Variants in ZNF706 observed in about 807,000 individuals in gnomAD.
The protein encoded by ZNF706 is zinc finger protein 706, also known as transcriptional regulator ZNF706.
In ZNF706, 4 loss-of-function variants were observed where a neutral mutation model predicts 9.2. The ratio of observed to expected loss-of-function variants is 0.43; its 90% confidence interval spans 0.21 to 0.99. The LOEUF (loss-of-function observed/expected upper bound fraction) is 0.99, where lower values mean the gene tolerates loss of function less well. Ranked by LOEUF, ZNF706 falls within the 50% of genes least tolerant of loss-of-function variation. ZNF706 has a pLI of 0.26. For missense variants in ZNF706, 27 were observed against 87.8 expected (o/e 0.31, Z 2.77); for synonymous variants, 28 against 27.3 (o/e 1.03, Z -0.08).
rs1810552198 is a variant in ZNF706 at position 101,201,450 on chromosome 8, G to A, written c.135+157C>T. 1 of 698,886 alleles carries A rather than the reference G, an allele frequency of 1.4e-6. No homozygotes were observed. Among genetic ancestry groups the A allele is most frequent in the African/African-American group, 1.8e-5 (1 of 55,084 alleles). 43.3% of individuals were successfully genotyped at this position (698,886 alleles called of 1,614,324 possible). ...CACAGGAGCCATTCAAAAAATATTT[G>A]TTTAAAGGGTGAATGAAAATAGATA... On this transcript the variant is annotated intron_variant, in intron 2 of 3. Coordinates refer to ENST00000311212, the MANE Select transcript of ZNF706 (RefSeq NM_016096.5). The surrounding 1 kb of genome is among the most constrained non-coding windows in gnomAD (Gnocchi z 4.5).
At chr8:101,202,617 T>G (rs1295989666) in intron 1 of ZNF706, 4 of 152,178 alleles carry the variant, frequency 2.6e-5, no homozygotes, top group African/African-American at 9.7e-5. Context: ...TTGGGGGTTA[T>G]GGGTAATGAC....
At position 101,201,882 on chromosome 8, in the gene ZNF706, C is replaced by G. The variant is rs1374991494; in HGVS notation, c.-2-139G>C. 1 of 897,670 alleles carries G rather than the reference C, an allele frequency of 1.1e-6. No individual in the cohort carries two copies. Among genetic ancestry groups the G allele is most frequent in the Non-Finnish European group, 1.6e-6 (1 of 609,474 alleles). The allele number at this position is 897,670 out of a possible 1,614,324, so 55.6% of individuals were successfully genotyped here. A position where few individuals can be genotyped will look rare whatever the true frequency, so the allele number is the denominator to read the frequency against. ...ATAAAAATTTATAGGTATTAAAATT[C>G]CCACATATAAATGCTACAAAAGTAT... On this transcript the variant is annotated intron_variant, in intron 1 of 3. Transcript: ENST00000311212. This position sits in a 1 kb window ranked among gnomAD's most constrained non-coding sequence, Gnocchi z 4.5.
chr8:101,201,789 A>G lies in ZNF706; in HGVS notation c.-2-46T>C. On this transcript the variant is annotated intron_variant, in intron 1 of 3. Transcript: ENST00000311212. The surrounding 1 kb of genome is among the most constrained non-coding windows in gnomAD (Gnocchi z 4.5). Reference sequence around the variant, plus strand: ...ATTAGAGTGGCTTATTTACTCTAATACAGAGTAATCAAAGCATAAGAACGT... The same window carrying G: ...ATTAGAGTGGCTTATTTACTCTAATGCAGAGTAATCAAAGCATAAGAACGT... The G allele has an allele frequency of 6.3e-7, 1 of 1,576,228 alleles. No homozygotes were observed. The highest frequency in any genetic ancestry group is 8.7e-7 in the Non-Finnish European group (1 of 1,150,836).
Position 101,200,933 on chromosome 8 carries a change from T to C in ZNF706, c.135+674A>G, listed in dbSNP as rs11993291. 3.0e-3 allele frequency: 678 copies of C among 225,860 alleles called. 3 individuals are homozygous for C. Among genetic ancestry groups the C allele is most frequent in the African/African-American group, 0.014 (616 of 43,318 alleles). 14.0% of individuals were successfully genotyped at this position (225,860 alleles called of 1,614,324 possible). On this transcript the variant is annotated intron_variant, in intron 2 of 3. Transcript: ENST00000311212. The stretch of plus-strand genomic sequence containing the variant: ...TGGAGCTGAACTGCCTGAGTTCAGA[T>C]TCCAGCTCTTCTACTAACCAGCTGG...
At chr8:101,200,473 A>C (rs1284896624) in intron 2 of ZNF706, among the ~76,000 whole-genome samples, 4 of 152,224 alleles carry the variant, frequency 2.6e-5, no homozygotes, top group African/African-American at 4.8e-5. Context: ...CCAGAGTTTA[A>C]TTTGCCCAAG....
At chr8:101,203,233 T>C (rs1167594334) in intron 1 of ZNF706, 1 of 152,224 alleles carries the variant, frequency 6.6e-6, no homozygotes, top group East Asian at 1.9e-4. Context: ...ATTAAAGGCT[T>C]TTATTCGACC....
chr8:101,199,345 A>C, intron 3 of ZNF706, 106 bp from the exon 4 acceptor site: 1 of 658,000 alleles, frequency 1.5e-6, no homozygotes, highest in Non-Finnish European at 2.8e-6. Flanking sequence ...AATATCTGGT[A>C]AACTTGTCAA....
intron 2 of ZNF706, chr8:101,200,907 CTG>C (rs1810534082): frequency 5.1e-6 from 1 of 195,226 alleles, no homozygotes; most frequent in Non-Finnish European, 1.1e-5. Flanking sequence ...AGGGTGGACT[CTG>C]GAGCTGAACT....
At chr8:101,204,952 A>T (rs1329479620) in intron 1 of ZNF706, 19 of 985,328 alleles carry the variant, frequency 1.9e-5, no homozygotes, top group Non-Finnish European at 2.2e-5. Context: ...ACCCACAGTG[A>T]GGTCTCCACC....
intron 3 of ZNF706, among the ~76,000 whole-genome samples, chr8:101,199,597 A>G (rs1238837192): frequency 1.3e-5 from 2 of 151,936 alleles, no homozygotes; most frequent in African/African-American, 2.4e-5. Flanking sequence ...GTTGGGGGAG[A>G]AAAAAAAGAA....
intron 2 of ZNF706, 188 bp from the exon 3 acceptor site, chr8:101,200,285 A>G (rs1209990256): frequency 1.4e-5 from 7 of 509,122 alleles, no homozygotes; most frequent in Non-Finnish European, 3.5e-6. Flanking sequence ...CCCACATTTC[A>G]CCTATAAAGA....
chr8:101,203,002 A>T (rs1810618645), intron 1 of ZNF706: 1 of 152,200 alleles, frequency 6.6e-6, no homozygotes, highest in East Asian at 1.9e-4. Flanking sequence ...TTGCTGAACA[A>T]ATTATAAAAT....
rs999094794 is a variant in ZNF706, at chr8:101,198,192, G to T, written c.*1060C>A. ...TTTTAATACTTTTCAAGTTCAGATGGAAGTCATACTGTACACCAGTCTCTG... is the reference window on the plus strand; with the variant it reads ...TTTTAATACTTTTCAAGTTCAGATGTAAGTCATACTGTACACCAGTCTCTG... On this transcript the variant is annotated 3_prime_UTR_variant, in exon 4 of 4. Coordinates refer to ENST00000311212, the MANE Select transcript of ZNF706 (RefSeq NM_016096.5). 1.3e-5 allele frequency: 2 copies of T among 152,066 alleles called. No homozygotes were observed. The highest frequency in any genetic ancestry group is 2.9e-5 in the Non-Finnish European group (2 of 67,988). 9.4% of individuals were successfully genotyped at this position (152,066 alleles called of 1,614,324 possible).
At position 101,198,267 on chromosome 8, in the gene ZNF706, GA is replaced by G. The variant is rs1244815240; in HGVS notation, c.*984del. ...ACTCCTAAAATCAACAACTCACTTA[GA>G]AAAGAAAGGAGGGAGAGGGTTCTGG... is the stretch of plus-strand genomic sequence containing the variant. On this transcript the variant is annotated 3_prime_UTR_variant, in exon 4 of 4. Coordinates refer to ENST00000311212, the MANE Select transcript of ZNF706 (RefSeq NM_016096.5). The G allele has an allele frequency of 3.9e-4, 60 of 152,224 alleles. No homozygotes were observed. Among genetic ancestry groups the G allele is most frequent in the African/African-American group, 1.4e-3 (58 of 41,552 alleles). The allele number at this position is 152,224 out of a possible 1,614,324, so 9.4% of individuals were successfully genotyped here.
chr8:101,200,267 C>G (rs1025111559), intron 2 of ZNF706, 170 bp from the exon 3 acceptor site: 4 of 538,696 alleles, frequency 7.4e-6, no homozygotes, highest in Non-Finnish European at 1.3e-5. Context: ...AAAGAAATTC[C>G]TAACGTTCCC....
At position 101,202,872 on chromosome 8, in the gene ZNF706, A is replaced by C. The variant is rs868279751; in HGVS notation, c.-2-1129T>G. 2.0e-5 allele frequency: 3 copies of C among 152,218 alleles called. 1 individual carries two copies. Among genetic ancestry groups the C allele is most frequent in the African/African-American group, 7.2e-5 (3 of 41,460 alleles). The allele number at this position is 152,218 out of a possible 1,614,324, so 9.4% of individuals were successfully genotyped here. On this transcript the variant is annotated intron_variant, in intron 1 of 3. Coordinates refer to ENST00000311212, the MANE Select transcript of ZNF706 (RefSeq NM_016096.5). Reference sequence around the variant, plus strand: ...TTGTGATTTTTATAACTTTAAGAGAAATAAAAGCTGTCTGTTACTCCTTCT... The same window carrying C: ...TTGTGATTTTTATAACTTTAAGAGACATAAAAGCTGTCTGTTACTCCTTCT...
At chr8:101,204,725 T>C in intron 1 of ZNF706, 1 of 985,260 alleles carries the variant, frequency 1.0e-6, no homozygotes, top group Non-Finnish European at 1.2e-6. Flanking sequence ...AAGAAACGAG[T>C]TCTAAAATGA....
At chr8:101,202,779 C>A (rs1586268131) in intron 1 of ZNF706, 1 of 152,230 alleles carries the variant, frequency 6.6e-6, no homozygotes, top group East Asian at 1.9e-4. Context: ...AAGTTTAGCC[C>A]CCGCTATCAT....
intron 2 of ZNF706, chr8:101,200,868 CTTT>C: frequency 6.3e-6 from 1 of 158,856 alleles, no homozygotes; most frequent in East Asian, 1.8e-4. Flanking sequence ...AGAAGTACTT[CTTT>C]GAGAGGCAGT....
Sources: allele counts gnomAD v4.1 joint callset (sites outside exome capture counted in the v4.1 genomes callset), GRCh38; gene constraint gnomAD v4.1.1; non-coding constraint Gnocchi (gnomAD v3.1); transcripts MANE v1.5; gene names NCBI Gene and HGNC (gene_info 2026-07-23, HGNC 2026-07-21).